Variants in SYNC observed in about 807,000 individuals in gnomAD.
SYNC encodes the protein syncoilin, intermediate filament protein, also known as syncoilin.
SYNC carries 38 observed loss-of-function variants against 49.5 expected under a neutral mutation model. That is an observed-to-expected ratio of 0.77 (90% CI 0.59 to 1.01). The LOEUF is 1.01. Ranked by LOEUF, SYNC falls within the 50% of genes least tolerant of loss-of-function variation. The probability of loss-of-function intolerance (pLI) is 0.00; values close to 1 mark genes in which losing one functional copy is unlikely to be tolerated. For synonymous variants in SYNC, 201 were observed against 230.8 expected (o/e 0.87, Z 1.17); for missense variants, 579 against 580.6 (o/e 1.00, Z 0.03).
rs1650696342 is a variant in SYNC, at chr1:32,702,242, C to T, written c.53+366G>A. Among the ~76,000 whole-genome samples, 1 of 152,232 alleles carries T rather than the reference C, an allele frequency of 6.6e-6. No individual in the cohort carries two copies. ...AGTGGCTTCCACACAGCCACTTCAG[C>T]AGGGGAGGCCTCTGTCTCCAACTGA... On this transcript the variant is annotated intron_variant, in intron 1 of 4. Coordinates refer to ENST00000409190, the MANE Select transcript of SYNC (RefSeq NM_030786.3). This position sits in a 1 kb window ranked among gnomAD's most constrained non-coding sequence, Gnocchi z 6.2.
chr1:32,702,774 CG>C (rs982857668), upstream of SYNC: 103 of 929,036 alleles, frequency 1.1e-4, 2 homozygotes, highest in East Asian at 8.4e-3. The surrounding 1 kb of genome is among the most constrained non-coding windows in gnomAD (Gnocchi z 6.2). Context: ...GGATCCCGGC[CG>C]GCCCCGGGCC....
intron 2 of SYNC, among the ~76,000 whole-genome samples, chr1:32,687,883 T>C (rs1309373731): frequency 6.8e-6 from 1 of 146,710 alleles, no homozygotes; most frequent in African/African-American, 2.6e-5. Context: ...GGAGTCTTGC[T>C]CTGTCGCTCA....
intron 3 of SYNC, 52 bp downstream of exon 3, chr1:32,684,206 A>T: frequency 6.2e-7 from 1 of 1,609,258 alleles, no homozygotes; most frequent in Non-Finnish European, 8.5e-7. Context: ...AAGCCCTCCC[A>T]CCATCCCCTC....
chr1:32,702,628 G>C lies in SYNC; in HGVS notation c.33C>G (p.Asp11Glu). 1 of 1,216,662 alleles carries C rather than the reference G, an allele frequency of 8.2e-7. No homozygotes were observed. The highest frequency in any genetic ancestry group is 1.0e-6 in the Non-Finnish European group (1 of 978,442). The allele number at this position is 1,216,662 out of a possible 1,614,324, so 75.4% of individuals were successfully genotyped here. ...CCTACCTCGCGGCCTGGGCGGCGCC[G>C]TCCCCGCCGCGCCGGGGCTCCGGGC... is the stretch of plus-strand genomic sequence containing the variant. MASPEPRRGGDGAAQAARKTR... is the reference protein window; with the variant it reads MASPEPRRGGEGAAQAARKTR... Residue 11 changes from aspartate to glutamate, a missense_variant, in exon 1 of 5, where the codon GAC becomes GAG. Asp to Glu is a conservative substitution (Grantham distance 45). Coordinates refer to ENST00000409190, the MANE Select transcript of SYNC (RefSeq NM_030786.3). The surrounding 1 kb of genome is among the most constrained non-coding windows in gnomAD (Gnocchi z 6.2).
Position 32,695,520 on chromosome 1 carries a change from C to G in SYNC, c.578G>C (p.Arg193Thr), listed in dbSNP as rs1291427854. 1.3e-6 allele frequency: 2 copies of G among 1,551,404 alleles called. No individual in the cohort carries two copies. Among genetic ancestry groups the G allele is most frequent in the South Asian group, 2.4e-5 (2 of 84,038 alleles). Residue 193 changes from arginine to threonine, a missense_variant, in exon 2 of 5, where the codon AGG becomes ACG. Transcript: ENST00000409190. ...VQAVAQLEEE[R>T]DQLIHELVLL... ...TACAAGCTCATGGATGAGCTGATCC[C>G]TCTCCTCTTCCAGCTGGGCCACAGC...
intron 3 of SYNC, 64 bp from the exon 4 acceptor site, chr1:32,684,153 C>T: frequency 6.2e-7 from 1 of 1,606,432 alleles, no homozygotes; most frequent in South Asian, 1.1e-5. Flanking sequence ...AATCATTTCC[C>T]AAATCCTCTT....
chr1:32,683,320 C>T (rs1161616365), intron 4 of SYNC: 1 of 150,986 alleles, frequency 6.6e-6, no homozygotes, highest in Non-Finnish European at 1.5e-5. Context: ...TCTCTGCTTC[C>T]ACCCAAAACC....
At chr1:32,700,438 G>A (rs1470531652) in intron 1 of SYNC, among the ~76,000 whole-genome samples, 1 of 152,206 alleles carries the variant, frequency 6.6e-6, no homozygotes, top group African/African-American at 2.4e-5. Context: ...GCTCACGCCT[G>A]TAATCCCAGC....
chr1:32,692,069 A>G (rs2148556333), intron 2 of SYNC, among the ~76,000 whole-genome samples: 2 of 152,176 alleles, frequency 1.3e-5, no homozygotes, highest in South Asian at 4.1e-4. Context: ...CGTCTCTATT[A>G]AAAATGCAAA....
chr1:32,697,863 A>AT (rs936036572), intron 1 of SYNC, among the ~76,000 whole-genome samples: 28 of 151,328 alleles, frequency 1.9e-4, no homozygotes, highest in African/African-American at 3.4e-4. Flanking sequence ...TCTTTTGAGG[A>AT]TTTTTTTTTA....
intron 1 of SYNC, among the ~76,000 whole-genome samples, chr1:32,696,313 TATA>T (rs1397343369): frequency 6.6e-6 from 1 of 152,084 alleles, no homozygotes; most frequent in East Asian, 1.9e-4. Flanking sequence ...GTTCCACAAT[TATA>T]ATAATTTTTT....
At chr1:32,694,641 G>A (rs535961636) in intron 2 of SYNC, among the ~76,000 whole-genome samples, 2 of 150,106 alleles carry the variant, frequency 1.3e-5, no homozygotes, top group East Asian at 1.9e-4. Flanking sequence ...GCGACAGAGC[G>A]AGACTCCATC....
intron 2 of SYNC, chr1:32,684,736 A>G (rs1205539019): frequency 5.6e-6 from 1 of 179,030 alleles, no homozygotes; most frequent in Non-Finnish European, 1.2e-5. Flanking sequence ...CTCCATGTGC[A>G]GGTTTGTTAA....
At chr1:32,686,670 TAATC>T (rs1193828813) in intron 2 of SYNC, among the ~76,000 whole-genome samples, 9 of 152,230 alleles carry the variant, frequency 5.9e-5, no homozygotes, top group Admixed American at 5.9e-4. Context: ...AGAAGAGGTC[TAATC>T]AATGTATAGT....
Position 32,695,760 on chromosome 1 carries a change from G to T in SYNC, c.338C>A (p.Thr113Lys), listed in dbSNP as rs551896097. 5.2e-6 allele frequency: 8 copies of T among 1,551,538 alleles called. No individual in the cohort carries two copies. The East Asian group carries it at 2.0e-4, about 38-fold the overall frequency. The change falls in exon 2 of 5, where the codon ACG becomes AAG. Residue 113 changes from threonine (T) to lysine (K), a missense_variant. Transcript: ENST00000409190. ...PEETVCVEET[T>K]EPDRIQFVEG... ...CACAAACTGTATCCGATCTGGCTCC[G>T]TGGTTTCCTCCACACACACTGTCTC...
At chr1:32,683,777 T>A (rs1649611458) in intron 4 of SYNC, 3 of 456,546 alleles carry the variant, frequency 6.6e-6, no homozygotes, top group Non-Finnish European at 4.0e-6. Context: ...GGATTATAAG[T>A]GCCTGCCACT....
chr1:32,691,566 AAAGT>A (rs1361795183), intron 2 of SYNC, among the ~76,000 whole-genome samples: 4 of 35,780 alleles, frequency 1.1e-4, no homozygotes, highest in Non-Finnish European at 3.9e-4. Context: ...AAAAAAAAAA[AAAGT>A]AGCAAGGCAA....
At chr1:32,687,217 C>T (rs376886371) in intron 2 of SYNC, among the ~76,000 whole-genome samples, 5 of 151,784 alleles carry the variant, frequency 3.3e-5, no homozygotes, top group South Asian at 2.1e-4. Context: ...AAAAATTAGC[C>T]GGGCGTGGTG....
rs1189703092 is a variant in SYNC, at chr1:32,695,730, C to T, written c.368G>A (p.Gly123Glu). The change falls in exon 2 of 5, where the codon GGG becomes GAG. Residue 123 changes from glycine to glutamate, a missense_variant. By Grantham distance (98) the Gly-to-Glu change is moderately conservative. Coordinates refer to ENST00000409190, the MANE Select transcript of SYNC (RefSeq NM_030786.3). ...TEPDRIQFVE[G>E]PVEPGKPTSP... ...TGTGGGCTTTCCTGGCTCCACGGGC[C>T]CCTCCACAAACTGTATCCGATCTGG... 3 of 1,551,414 alleles carry T rather than the reference C, an allele frequency of 1.9e-6. No homozygotes were observed. In the Admixed American group the frequency reaches 5.9e-5, roughly 30 times the overall value.
Sources: allele counts gnomAD v4.1 joint callset (sites outside exome capture counted in the v4.1 genomes callset), GRCh38; gene constraint gnomAD v4.1.1; non-coding constraint Gnocchi (gnomAD v3.1); transcripts MANE v1.5; gene names NCBI Gene and HGNC (gene_info 2026-07-23, HGNC 2026-07-21).